NEDD4L: variants seen among roughly 807,000 people sequenced by gnomAD.
NEDD4L encodes the protein NEDD4 like E3 ubiquitin protein ligase.
NEDD4L carries 54 observed loss-of-function variants against 148.9 expected under a neutral mutation model. The ratio of observed to expected loss-of-function variants is 0.36; its 90% CI spans 0.29 to 0.45. The LOEUF is 0.45. Among genes scored for constraint, NEDD4L ranks in the 20% least tolerant of loss-of-function variants. The probability of loss-of-function intolerance (pLI) is 1.00; values close to 1 mark genes in which losing one functional copy is unlikely to be tolerated. For missense variants in NEDD4L, 856 were observed against 1,233.8 expected (o/e 0.69, Z 4.59); for synonymous variants, 433 against 440.7 (o/e 0.98, Z 0.22).
chr18:58,278,734 A>G (rs1486879953), intron 5 of NEDD4L, among the ~76,000 whole-genome samples: 1 of 151,854 alleles, frequency 6.6e-6, no homozygotes, highest in Non-Finnish European at 1.5e-5. Context: ...TACCTCCATC[A>G]TTGTGCCATT....
chr18:58,149,184 G>A (rs2034414409), intron 1 of NEDD4L: 2 of 205,128 alleles, frequency 9.8e-6, no homozygotes, highest in Admixed American at 1.1e-4. Flanking sequence ...CTGGACACCT[G>A]ATGTTATCTT....
chr18:58,052,088 A>T (rs186616093), intron 1 of NEDD4L, among the ~76,000 whole-genome samples: 125 of 152,328 alleles, frequency 8.2e-4, no homozygotes, highest in African/African-American at 2.9e-3. Flanking sequence ...AGATTTAGAA[A>T]ACTAGAAACT....
intron 1 of NEDD4L, among the ~76,000 whole-genome samples, chr18:58,158,462 A>G (rs1463104804): frequency 6.6e-6 from 1 of 152,366 alleles, no homozygotes; most frequent in South Asian, 2.1e-4. Flanking sequence ...TTGAAGGTAG[A>G]GTCACCTTGA....
At chr18:58,133,528 T>C (rs1035783120) in intron 1 of NEDD4L, among the ~76,000 whole-genome samples, 1 of 152,144 alleles carries the variant, frequency 6.6e-6, no homozygotes, top group African/African-American at 2.4e-5. Flanking sequence ...CATTAATGAG[T>C]TTGTGGGTTT....
chr18:58,281,109 C>T (rs951972502), intron 5 of NEDD4L, among the ~76,000 whole-genome samples: 2 of 152,128 alleles, frequency 1.3e-5, no homozygotes, highest in African/African-American at 4.8e-5. Context: ...TCCTGAGTAG[C>T]TTGGACTACA....
chr18:58,153,097 C>T (rs1014897558), intron 1 of NEDD4L, among the ~76,000 whole-genome samples: 2 of 152,280 alleles, frequency 1.3e-5, no homozygotes, highest in East Asian at 1.9e-4. Flanking sequence ...CAGGCTGCAT[C>T]GCCCATACTT....
At chr18:58,193,620 C>A (rs985146804) in intron 2 of NEDD4L, among the ~76,000 whole-genome samples, 8 of 152,216 alleles carry the variant, frequency 5.3e-5, no homozygotes, top group Non-Finnish European at 1.2e-4. Context: ...GGTAAATATT[C>A]CCCTCAGGTT....
At chr18:58,225,671 C>T (rs2044269479) in intron 2 of NEDD4L, among the ~76,000 whole-genome samples, 1 of 152,164 alleles carries the variant, frequency 6.6e-6, no homozygotes, top group Admixed American at 6.5e-5. Context: ...GGGACCACTG[C>T]TCGAGATACC....
rs113742795 is a variant in NEDD4L at position 58,145,173 on chromosome 18, C to G, written c.49-20615C>G. Among the ~76,000 whole-genome samples, 3 of 152,186 alleles carry G rather than the reference C, an allele frequency of 2.0e-5. No homozygotes were observed. The South Asian group carries it at 6.2e-4, about 32-fold the overall frequency. On this transcript the variant is annotated intron_variant, in intron 1 of 30. Coordinates refer to ENST00000400345, the MANE Select transcript of NEDD4L (RefSeq NM_001144967.3). ...CCCTGAGGCTCTCCTACCAGGGCCCCCTCTCATCAGGCCCCAGCTGGAAGC... is the reference window on the plus strand; with the variant it reads ...CCCTGAGGCTCTCCTACCAGGGCCCGCTCTCATCAGGCCCCAGCTGGAAGC...
At chr18:58,204,995 GA>G (rs2041832159) in intron 2 of NEDD4L, among the ~76,000 whole-genome samples, 1 of 152,238 alleles carries the variant, frequency 6.6e-6, no homozygotes, top group Non-Finnish European at 1.5e-5. Context: ...ATCAGATCCA[GA>G]CATCCAGTAG....
At chr18:58,317,527 T>A (rs917276108) in intron 6 of NEDD4L, among the ~76,000 whole-genome samples, 1 of 152,188 alleles carries the variant, frequency 6.6e-6, no homozygotes, top group Non-Finnish European at 1.5e-5. Flanking sequence ...ATTCTAATAT[T>A]TGGTAAGAGG....
At chr18:58,188,676 T>C (rs2039745979) in intron 2 of NEDD4L, among the ~76,000 whole-genome samples, 1 of 152,268 alleles carries the variant, frequency 6.6e-6, no homozygotes, top group South Asian at 2.1e-4. Context: ...AGCACATTGG[T>C]GGCCAGGGCT....
chr18:58,256,664 G>A lies in NEDD4L; in HGVS notation c.297+4610G>A. The A allele has an allele frequency of 1.6e-6, 2 of 1,232,240 alleles. No individual in the cohort carries two copies. The highest frequency in any genetic ancestry group is 3.2e-5 in the East Asian group (1 of 31,702). The allele number at this position is 1,232,240 out of a possible 1,614,324, so 76.3% of individuals were successfully genotyped here. On this transcript the variant is annotated intron_variant, in intron 5 of 30. Coordinates refer to ENST00000400345, the MANE Select transcript of NEDD4L (RefSeq NM_001144967.3). This position sits in a 1 kb window ranked among gnomAD's most constrained non-coding sequence, Gnocchi z 5.2. ...ATTTAAGATCAGGCAGGATCAGAAC[G>A]CGGGGCAGCAGCATTTTAGAATTCT...
intron 6 of NEDD4L, 80 bp from the exon 7 acceptor site, chr18:58,322,345 C>A: frequency 2.1e-6 from 2 of 972,850 alleles, no homozygotes; most frequent in Non-Finnish European, 3.2e-6. Context: ...AAAATATATT[C>A]TCTGTAATCC....
Position 58,390,758 on chromosome 18 carries a change from T to C in NEDD4L, c.2752+16T>C, listed in dbSNP as rs1417816344. 2.6e-6 allele frequency: 4 copies of C among 1,533,730 alleles called. No individual in the cohort carries two copies. Among genetic ancestry groups the C allele is most frequent in the Admixed American group, 1.9e-5 (1 of 54,050 alleles). Reference sequence around the variant, plus strand: ...GAACTTTATGGTGAGCAGGATACCATTGGATTCAGTTGTCCTCCTGGGAAT... The same window carrying C: ...GAACTTTATGGTGAGCAGGATACCACTGGATTCAGTTGTCCTCCTGGGAAT... On this transcript the variant is annotated intron_variant, in intron 29 of 30. Transcript: ENST00000400345.
At chr18:58,077,582 T>G (rs941663307) in intron 1 of NEDD4L, among the ~76,000 whole-genome samples, 1 of 152,186 alleles carries the variant, frequency 6.6e-6, no homozygotes, top group African/African-American at 2.4e-5. Context: ...CAAGATTAAA[T>G]TCCAAGCGCC....
At position 58,308,783 on chromosome 18, in the gene NEDD4L, G is replaced by A. The variant is rs1166913981; in HGVS notation, c.298-7199G>A. ...TCCTCCACTTTTGCTTTGTGTCTGC[G>A]TCAAGTCAGTAACGTTGGTCTGCAG... On this transcript the variant is annotated intron_variant, in intron 5 of 30. Transcript: ENST00000400345. Among the ~76,000 whole-genome samples the A allele has an allele frequency of 3.3e-5, 5 of 152,210 alleles. No individual in the cohort carries two copies. In the South Asian group the frequency reaches 8.3e-4, roughly 25 times the overall value.
At chr18:58,154,034 T>G (rs1020039780) in intron 1 of NEDD4L, among the ~76,000 whole-genome samples, 2 of 152,224 alleles carry the variant, frequency 1.3e-5, no homozygotes, top group Non-Finnish European at 2.9e-5. Context: ...AAACATTAAT[T>G]TCAAGTTACA....
chr18:58,089,012 A>G (rs2083912580), intron 1 of NEDD4L, among the ~76,000 whole-genome samples: 1 of 152,078 alleles, frequency 6.6e-6, no homozygotes. Flanking sequence ...TACAGCTTCC[A>G]ACCTGGTCGT....
Sources: allele counts gnomAD v4.1 joint callset (sites outside exome capture counted in the v4.1 genomes callset), GRCh38; gene constraint gnomAD v4.1.1; non-coding constraint Gnocchi (gnomAD v3.1); transcripts MANE v1.5; gene names NCBI Gene and HGNC (gene_info 2026-07-23, HGNC 2026-07-21).